NCOA1: variants seen among roughly 807,000 people sequenced by gnomAD.
NCOA1 encodes nuclear receptor coactivator 1.
Under a neutral mutation model 150.9 loss-of-function variants are expected in NCOA1, and 35 were observed. The observed-to-expected ratio is 0.23, with a 90% CI of 0.18 to 0.31. The LOEUF is 0.31. Among genes scored for constraint, NCOA1 ranks in the 10% least tolerant of loss-of-function variants. NCOA1 has a pLI of 1.00. For missense variants in NCOA1, 1,491 were observed against 1,749.3 expected, an observed-to-expected ratio of 0.85 and a Z score of 2.63; for synonymous variants, 590 against 630.0, an observed-to-expected ratio of 0.94 and a Z score of 0.95.
chr2:24,529,737 A>G (rs1489605661), intron 1 of NCOA1, among the ~76,000 whole-genome samples: 1 of 152,224 alleles, frequency 6.6e-6, no homozygotes, highest in Non-Finnish European at 1.5e-5. Context: ...GAGAGACAGA[A>G]GTCAGATATA....
intron 3 of NCOA1, among the ~76,000 whole-genome samples, chr2:24,637,083 T>A (rs55858421): frequency 0.081 from 12,258 of 151,476 alleles, 511 homozygotes; most frequent in African/African-American, 0.1. Flanking sequence ...AAATCTTTTT[T>A]TTATTATTAT....
At chr2:24,511,921 G>T (rs1270714019) in intron 1 of NCOA1, among the ~76,000 whole-genome samples, 1 of 151,330 alleles carries the variant, frequency 6.6e-6, no homozygotes, top group African/African-American at 2.4e-5. Flanking sequence ...TTTACAGTGG[G>T]GACAAAAGCT....
At chr2:24,575,576 C>CTTTTTT (rs763939259) in intron 2 of NCOA1, among the ~76,000 whole-genome samples, 4 of 135,664 alleles carry the variant, frequency 2.9e-5, no homozygotes, top group African/African-American at 5.4e-5. Context: ...TTTTCTTTTT[C>CTTTTTT]TTTTTTTTTT....
chr2:24,633,649 T>G (rs1461765506), intron 3 of NCOA1, among the ~76,000 whole-genome samples: 1 of 152,192 alleles, frequency 6.6e-6, no homozygotes, highest in African/African-American at 2.4e-5. Context: ...TGAGATACTA[T>G]TTTTCATCCA....
chr2:24,496,223 A>C (rs1663205700), intron 1 of NCOA1, among the ~76,000 whole-genome samples: 1 of 152,232 alleles, frequency 6.6e-6, no homozygotes, highest in Non-Finnish European at 1.5e-5. Flanking sequence ...CCCTTCTAAA[A>C]AAATTTTTTT....
At chr2:24,700,998 A>G (rs1673130775) in intron 11 of NCOA1, among the ~76,000 whole-genome samples, 1 of 152,234 alleles carries the variant, frequency 6.6e-6, no homozygotes, top group Non-Finnish European at 1.5e-5. Context: ...GTTCTACAAT[A>G]AAAATACCTT....
intron 1 of NCOA1, among the ~76,000 whole-genome samples, chr2:24,560,846 A>G (rs569409108): frequency 6.6e-6 from 1 of 152,322 alleles, no homozygotes; most frequent in Admixed American, 6.5e-5. Context: ...GGAAGCTCAT[A>G]TTTATTAATA....
At chr2:24,712,112 AG>A (rs1241117339) in intron 14 of NCOA1, among the ~76,000 whole-genome samples, 41 of 152,368 alleles carry the variant, frequency 2.7e-4, no homozygotes, top group African/African-American at 8.9e-4. Context: ...AGGAAGAGTC[AG>A]AAGCCTAGAT....
At chr2:24,703,790 A>G (rs1673283556) in intron 11 of NCOA1, among the ~76,000 whole-genome samples, 1 of 152,170 alleles carries the variant, frequency 6.6e-6, no homozygotes. Flanking sequence ...TTATTTATTA[A>G]TTGGTAATTT....
rs1047125256 is a variant in NCOA1 at position 24,578,880 on chromosome 2, C to T, written c.-259-5596C>T. Among the ~76,000 whole-genome samples the T allele has an allele frequency of 3.9e-5, 6 of 152,096 alleles. No individual in the cohort carries two copies. The South Asian group carries it at 8.3e-4, about 21-fold the overall frequency. ...AGCTGAAGACAACCTAATTGGCCAACAGTGAAAATTTTGATATATTATGCA... is the reference window on the plus strand; with the variant it reads ...AGCTGAAGACAACCTAATTGGCCAATAGTGAAAATTTTGATATATTATGCA... On this transcript the variant is annotated intron_variant, in intron 2 of 22. Coordinates refer to ENST00000348332, the MANE Select transcript of NCOA1 (RefSeq NM_003743.5).
chr2:24,534,336 T>C (rs13414579), intron 1 of NCOA1, among the ~76,000 whole-genome samples: 1,826 of 152,242 alleles, frequency 0.012, 46 homozygotes, highest in African/African-American at 0.042. Context: ...CTTCTCTCTT[T>C]TCTTCTTTAT....
Position 24,769,716 on chromosome 2 carries a change from A to C in NCOA1, c.*1325A>C, listed in dbSNP as rs893277685. Reference sequence around the variant, plus strand: ...CCTTTGTGTCTTGTGACTCTGCCACATCCCATCTCATCCTGGCCTCTGAGT... The same window carrying C: ...CCTTTGTGTCTTGTGACTCTGCCACCTCCCATCTCATCCTGGCCTCTGAGT... On this transcript the variant is annotated 3_prime_UTR_variant, in exon 23 of 23. Coordinates refer to ENST00000348332, the MANE Select transcript of NCOA1 (RefSeq NM_003743.5). 1.4e-5 allele frequency: 3 copies of C among 220,290 alleles called. No individual in the cohort carries two copies. Among genetic ancestry groups the C allele is most frequent in the African/African-American group, 6.7e-5 (3 of 44,600 alleles). The allele number at this position is 220,290 out of a possible 1,614,324, so 13.6% of individuals were successfully genotyped here.
chr2:24,712,877 G>T (rs1419731668), intron 14 of NCOA1, among the ~76,000 whole-genome samples: 4 of 151,878 alleles, frequency 2.6e-5, no homozygotes, highest in African/African-American at 9.7e-5. Context: ...ATGGGAAGTA[G>T]GGAAGAAAAA....
At chr2:24,648,583 T>C (rs1056108920) in intron 4 of NCOA1, among the ~76,000 whole-genome samples, 2 of 152,146 alleles carry the variant, frequency 1.3e-5, no homozygotes, top group African/African-American at 4.8e-5. Context: ...CATATTGTGA[T>C]TTTATCTGTG....
intron 6 of NCOA1, 53 bp from the exon 7 acceptor site, chr2:24,673,313 A>C: frequency 7.8e-7 from 1 of 1,280,002 alleles, no homozygotes; most frequent in South Asian, 1.6e-5. Context: ...ACTTGACTTT[A>C]TGGAAATAAG....
chr2:24,512,503 T>G lies in NCOA1; in HGVS notation c.-396+20901T>G, dbSNP rs190732169. ...TTTAAAAGCTCTAATGGCTAGAAAG[T>G]TTATTCTTTTTTTCAGTTGGAATGT... On this transcript the variant is annotated intron_variant, in intron 1 of 22. Transcript: ENST00000348332. Among the ~76,000 whole-genome samples the G allele has an allele frequency of 1.4e-3, 218 of 152,242 alleles. 1 individual carries two copies. Among genetic ancestry groups the G allele is most frequent in the African/African-American group, 5.1e-3 (211 of 41,544 alleles).
intron 2 of NCOA1, among the ~76,000 whole-genome samples, chr2:24,572,019 C>T (rs890497444): frequency 2.6e-5 from 4 of 152,092 alleles, no homozygotes; most frequent in Non-Finnish European, 4.4e-5. Flanking sequence ...GGTAATTACC[C>T]CCTGCTTGAC....
At chr2:24,585,445 T>G (rs1667361351) in intron 3 of NCOA1, among the ~76,000 whole-genome samples, 1 of 152,160 alleles carries the variant, frequency 6.6e-6, no homozygotes, top group South Asian at 2.1e-4. Flanking sequence ...TTTTTTAGTG[T>G]AGAAATTTCC....
At position 24,736,825 on chromosome 2, in the gene NCOA1, G is replaced by A. The variant is rs529427766; in HGVS notation, c.3202-2607G>A. Among the ~76,000 whole-genome samples, 5 of 152,274 alleles carry A rather than the reference G, an allele frequency of 3.3e-5. No homozygotes were observed. In the South Asian group the frequency reaches 1.0e-3, roughly 32 times the overall value. ...CTCTCTTAGTTGTGTCAGCGAAAATGTCTTCAGATATTGCCAGATGTCCCT... is the reference window on the plus strand; with the variant it reads ...CTCTCTTAGTTGTGTCAGCGAAAATATCTTCAGATATTGCCAGATGTCCCT... On this transcript the variant is annotated intron_variant, in intron 17 of 22. Coordinates refer to ENST00000348332, the MANE Select transcript of NCOA1 (RefSeq NM_003743.5).
Sources: gnomAD v4.1 joint callset for allele counts (sites outside exome capture counted in the v4.1 genomes callset) on GRCh38, gnomAD v4.1.1 for gene constraint, MANE v1.5 for transcripts, NCBI Gene and HGNC (gene_info 2026-07-23, HGNC 2026-07-21) for gene names.